The following RAD54B variants were observed in gnomAD, a reference collection of about 807,000 sequenced individuals.
RAD54B encodes the protein RAD54 homolog B.
Under a neutral mutation model 95.8 loss-of-function variants are expected in RAD54B, and 78 were observed. The observed-to-expected ratio is 0.81, with a 90% CI of 0.68 to 0.98. RAD54B has a LOEUF of 0.98. Among genes scored for constraint, RAD54B ranks in the 50% least tolerant of loss-of-function variants. RAD54B has a pLI of 0.00. For synonymous variants in RAD54B, 328 were observed against 354.9 expected, an observed-to-expected ratio of 0.92 and a Z score of 0.85; for missense variants, 957 against 1,056.6, an observed-to-expected ratio of 0.91 and a Z score of 1.31.
At chr8:94,412,125 AT>A in intron 3 of RAD54B, among the ~76,000 whole-genome samples, 1 of 152,232 alleles carries the variant, frequency 6.6e-6, no homozygotes, top group South Asian at 2.1e-4. Flanking sequence ...TCACACAATA[AT>A]TGTCTTTCTG....
intron 3 of RAD54B, among the ~76,000 whole-genome samples, chr8:94,457,363 C>T (rs1234599526): frequency 6.6e-6 from 1 of 152,180 alleles, no homozygotes; most frequent in Non-Finnish European, 1.5e-5. Context: ...TCTTTCTCCA[C>T]CTTGTTCTGA....
intron 8 of RAD54B, among the ~76,000 whole-genome samples, chr8:94,395,066 T>C (rs1003533525): frequency 6.6e-6 from 1 of 152,120 alleles, no homozygotes; most frequent in Non-Finnish European, 1.5e-5. Flanking sequence ...ATGACAAAGA[T>C]TGGGGAGTAT....
intron 3 of RAD54B, among the ~76,000 whole-genome samples, chr8:94,424,747 A>G (rs183360765): frequency 2.6e-5 from 4 of 152,238 alleles, no homozygotes. Flanking sequence ...CATAAACAAG[A>G]GACTTGAAGG....
intron 10 of RAD54B, among the ~76,000 whole-genome samples, chr8:94,390,515 T>C (rs1483362645): frequency 2.7e-5 from 4 of 148,818 alleles, no homozygotes; most frequent in East Asian, 3.9e-4. Flanking sequence ...AATAAATAAA[T>C]AAACAAATAA....
At chr8:94,380,082 C>G in intron 12 of RAD54B, 63 bp downstream of exon 12, 1 of 1,483,150 alleles carries the variant, frequency 6.7e-7, no homozygotes, top group Admixed American at 2.0e-5. Flanking sequence ...ATCTTTGTAT[C>G]CTCAATAGGC....
chr8:94,467,695 A>C (rs1036801672), intron 1 of RAD54B, 140 bp from the exon 2 acceptor site: 10 of 820,718 alleles, frequency 1.2e-5, no homozygotes, highest in Non-Finnish European at 1.8e-5. Context: ...CATAGAAACA[A>C]AAGGAAAATC....
chr8:94,394,734 A>T (rs1023239842), intron 8 of RAD54B, among the ~76,000 whole-genome samples: 6 of 152,188 alleles, frequency 3.9e-5, no homozygotes, highest in Non-Finnish European at 7.3e-5. Context: ...ATCAGCACAA[A>T]CAATGTAATA....
At position 94,372,172 on chromosome 8, in the gene RAD54B, A is replaced by G. The variant is rs549196668; in HGVS notation, c.2731T>C (p.Ter911GlnextTer1). The change falls in exon 15 of 15, where the codon TAG becomes CAG. Residue 911 changes from the stop codon to glutamine, a stop_lost. Coordinates refer to ENST00000336148, the MANE Select transcript of RAD54B (RefSeq NM_012415.3). ...QNITTQATGT* is the reference protein window; with the variant it reads ...QNITTQATGTQ Reference sequence around the variant, plus strand: ...GGAATGTCAGAAGTAATCTTTCACTATGTGCCAGTAGCTTGAGTGGTTATA... The same window carrying G: ...GGAATGTCAGAAGTAATCTTTCACTGTGTGCCAGTAGCTTGAGTGGTTATA... 3.6e-5 allele frequency: 57 copies of G among 1,598,280 alleles called. No homozygotes were observed. The South Asian group carries it at 6.1e-4, about 17-fold the overall frequency.
At chr8:94,428,204 CA>C (rs1318468810) in intron 3 of RAD54B, 68 of 850,590 alleles carry the variant, frequency 8.0e-5, no homozygotes, top group Non-Finnish European at 9.6e-5. Context: ...GTATATTTAT[CA>C]AATGTAGTAT....
chr8:94,419,671 G>A (rs1407641162), intron 3 of RAD54B, among the ~76,000 whole-genome samples: 3 of 149,674 alleles, frequency 2.0e-5, no homozygotes, highest in Non-Finnish European at 3.0e-5. Flanking sequence ...ACTAAGTTAC[G>A]GGGCTGTTAC....
intron 10 of RAD54B, among the ~76,000 whole-genome samples, chr8:94,388,674 G>A (rs577169910): frequency 1.3e-5 from 2 of 152,260 alleles, no homozygotes; most frequent in African/African-American, 4.8e-5. Context: ...TAAAAATGCT[G>A]GGCACAGAGT....
intron 2 of RAD54B, among the ~76,000 whole-genome samples, chr8:94,464,152 A>C (rs1357447518): frequency 6.6e-6 from 1 of 152,146 alleles, no homozygotes; most frequent in Non-Finnish European, 1.5e-5. Flanking sequence ...ATGTATTGTT[A>C]TGTGGTAAAA....
intron 1 of RAD54B, among the ~76,000 whole-genome samples, 165 bp from the exon 2 acceptor site, chr8:94,467,720 A>G (rs1813065262): frequency 6.6e-6 from 1 of 152,218 alleles, no homozygotes; most frequent in African/African-American, 2.4e-5. Context: ...GTTCCTTCAA[A>G]GGAAATTCCA....
chr8:94,405,212 C>T (rs935907819), intron 5 of RAD54B, among the ~76,000 whole-genome samples: 1 of 152,030 alleles, frequency 6.6e-6, no homozygotes, highest in Non-Finnish European at 1.5e-5. Context: ...TAAAATATCA[C>T]CCAAAAAGGC....
intron 5 of RAD54B, among the ~76,000 whole-genome samples, chr8:94,405,601 T>C (rs1465160759): frequency 1.3e-5 from 2 of 152,196 alleles, no homozygotes; most frequent in East Asian, 1.9e-4. Flanking sequence ...ATGGGAAATG[T>C]AGTCCTTGGC....
intron 2 of RAD54B, among the ~76,000 whole-genome samples, chr8:94,462,434 T>C (rs1329394068): frequency 6.6e-6 from 1 of 152,220 alleles, no homozygotes; most frequent in East Asian, 1.9e-4. Flanking sequence ...AGTTTAATCT[T>C]CATTTATTTA....
rs79346983 is a variant in RAD54B, at chr8:94,432,172, T to C, written c.305-20857A>G. On this transcript the variant is annotated intron_variant, in intron 3 of 14. Coordinates refer to ENST00000336148, the MANE Select transcript of RAD54B (RefSeq NM_012415.3). The stretch of plus-strand genomic sequence containing the variant: ...TCAGGTAGATCATGCCGTAAGCGAA[T>C]TGCTTTCAGCTTCTCCACTTCAATT... The C allele has an allele frequency of 1.1e-3, 1,657 of 1,550,154 alleles. 29 individuals carry two copies. In the East Asian group the frequency reaches 0.026, roughly 25 times the overall value.
chr8:94,432,366 C>T (rs1305292755), intron 3 of RAD54B: 4 of 1,550,344 alleles, frequency 2.6e-6, no homozygotes, highest in Non-Finnish European at 3.5e-6. Context: ...AAAGTGTTCA[C>T]CACTCTCATG....
chr8:94,388,556 G>T lies in RAD54B; in HGVS notation c.1810-1397C>A, dbSNP rs143815371. Among the ~76,000 whole-genome samples the T allele has an allele frequency of 4.3e-3, 659 of 152,236 alleles. 3 individuals are homozygous for T. Among genetic ancestry groups the T allele is most frequent in the African/African-American group, 0.015 (624 of 41,548 alleles). Reference sequence around the variant, plus strand: ...CCCCCCTAACCCCAGGGTTGTTTAAGATCGAATGACTTTTTTTTATACTTC... The same window carrying T: ...CCCCCCTAACCCCAGGGTTGTTTAATATCGAATGACTTTTTTTTATACTTC... On this transcript the variant is annotated intron_variant, in intron 10 of 14. Transcript: ENST00000336148.
Sources: gnomAD v4.1 joint callset for allele counts (sites outside exome capture counted in the v4.1 genomes callset) on GRCh38, gnomAD v4.1.1 for gene constraint, MANE v1.5 for transcripts, NCBI Gene and HGNC (gene_info 2026-07-23, HGNC 2026-07-21) for gene names.